Variants in RBM6 observed in about 807,000 individuals in gnomAD.
RBM6 encodes RNA binding motif protein 6.
RBM6 carries 23 observed loss-of-function variants against 140.4 expected under a neutral mutation model. That is an observed-to-expected ratio of 0.16 (90% CI 0.12 to 0.23). The LOEUF (loss-of-function observed/expected upper bound fraction) is 0.23, where lower values mean the gene tolerates loss of function less well. Among genes scored for constraint, RBM6 ranks in the 10% least tolerant of loss-of-function variants. The pLI is 1.00. For missense variants in RBM6, 1,139 were observed against 1,386.7 expected, an observed-to-expected ratio of 0.82 and a Z score of 2.84; for synonymous variants, 439 against 475.6, an observed-to-expected ratio of 0.92 and a Z score of 1.00.
Position 50,077,209 on chromosome 3 carries a change from T to A in RBM6, c.*76T>A. ...TCTCCTTTTCTTTTGTTACTGTTCT[T>A]GCTGCTAGAACTTTTTTAAATAAAC... On this transcript the variant is annotated 3_prime_UTR_variant, in exon 21 of 21. Coordinates refer to ENST00000266022, the MANE Select transcript of RBM6 (RefSeq NM_005777.3). 1 of 1,463,240 alleles carries A rather than the reference T, an allele frequency of 6.8e-7. No homozygotes were observed. Among genetic ancestry groups the A allele is most frequent in the Non-Finnish European group, 9.2e-7 (1 of 1,090,876 alleles). 90.6% of individuals were successfully genotyped at this position (1,463,240 alleles called of 1,614,324 possible).
intron 6 of RBM6, among the ~76,000 whole-genome samples, chr3:50,027,715 A>G (rs2087920662): frequency 6.6e-6 from 1 of 152,254 alleles, no homozygotes; most frequent in African/African-American, 2.4e-5. Flanking sequence ...ATATGGATAT[A>G]CCACATTGTC....
intron 6 of RBM6, among the ~76,000 whole-genome samples, chr3:50,024,376 A>AT (rs1422000021): frequency 2.3e-4 from 35 of 152,290 alleles, no homozygotes; most frequent in African/African-American, 8.2e-4. Context: ...AATGAAAAAA[A>AT]CAGAACACTG....
At chr3:50,022,610 G>A (rs146893723) in intron 6 of RBM6, among the ~76,000 whole-genome samples, 1 of 152,182 alleles carries the variant, frequency 6.6e-6, no homozygotes, top group East Asian at 1.9e-4. Context: ...GATTACAGGC[G>A]TGAGCCACCG....
At chr3:50,017,805 C>A (rs2087249509) in intron 6 of RBM6, among the ~76,000 whole-genome samples, 1 of 152,122 alleles carries the variant, frequency 6.6e-6, no homozygotes, top group South Asian at 2.1e-4. Context: ...TCTGTTTTTG[C>A]TTTTGTTGCC....
intron 6 of RBM6, among the ~76,000 whole-genome samples, chr3:50,010,900 CAAA>C (rs776065398): frequency 1.7e-4 from 9 of 52,236 alleles, no homozygotes; most frequent in Non-Finnish European, 2.8e-4. Flanking sequence ...AAGACTGTCT[CAAA>C]AAAAAAAAAA....
chr3:50,040,785 T>C (rs1278111242), intron 6 of RBM6, among the ~76,000 whole-genome samples: 1 of 150,432 alleles, frequency 6.6e-6, no homozygotes, highest in Non-Finnish European at 1.5e-5. Context: ...GCCCCTGGAG[T>C]AGTTAGGATA....
chr3:49,956,417 C>T (rs1176364877), intron 1 of RBM6, among the ~76,000 whole-genome samples: 1 of 144,236 alleles, frequency 6.9e-6, no homozygotes, highest in African/African-American at 2.6e-5. Context: ...CTCACTGCAA[C>T]CTCCGCCTCC....
At chr3:49,950,691 G>A (rs2083692696) in intron 1 of RBM6, among the ~76,000 whole-genome samples, 1 of 151,814 alleles carries the variant, frequency 6.6e-6, no homozygotes, top group Admixed American at 6.6e-5. Flanking sequence ...GGAGACGGAG[G>A]TTGCAGTAAG....
At chr3:50,065,700 CATT>C (rs1334019650) in intron 16 of RBM6, 1 of 452,480 alleles carries the variant, frequency 2.2e-6, no homozygotes, top group African/African-American at 2.0e-5. Context: ...GATTATGCAT[CATT>C]ATTTAACAGT....
In RBM6 at chr3:50,062,282, A is replaced by T. The variant is rs375879917; in HGVS notation, c.2586+174A>T. Among the ~76,000 whole-genome samples the T allele has an allele frequency of 2.0e-5, 3 of 152,298 alleles. No individual in the cohort carries two copies. The South Asian group carries it at 6.2e-4, about 32-fold the overall frequency. ...CACTTTGGGAGGCCAAGGCGGGCGGATCATGAGGTCAGGAGATCGAGACCA... is the reference window on the plus strand; with the variant it reads ...CACTTTGGGAGGCCAAGGCGGGCGGTTCATGAGGTCAGGAGATCGAGACCA... On this transcript the variant is annotated intron_variant, in intron 15 of 20. Coordinates refer to ENST00000266022, the MANE Select transcript of RBM6 (RefSeq NM_005777.3).
intron 5 of RBM6, among the ~76,000 whole-genome samples, chr3:49,983,889 T>C (rs1243259029): frequency 2.0e-5 from 3 of 152,174 alleles, no homozygotes; most frequent in Admixed American, 2.0e-4. Context: ...GGGAAGAATC[T>C]GTGATTCAGT....
At chr3:49,962,706 A>G (rs2084336895) in intron 2 of RBM6, 21 bp downstream of exon 2, 4 of 1,556,842 alleles carry the variant, frequency 2.6e-6, no homozygotes, top group African/African-American at 1.4e-5. Flanking sequence ...AAATTTGAAT[A>G]TTGAAATTGC....
rs773779680 is a variant in RBM6, at chr3:50,057,894, A to C, written c.1860A>C (p.Arg620Ser). Reference protein sequence around the residue: ...GQESRLGHQKREAERYLPPSR... With the variant: ...GQESRLGHQKSEAERYLPPSR... Reference sequence around the variant, plus strand: ...AGTCACGCTTAGGACATCAAAAGAGAGAAGCAGAAAGGTATCTGCCTCCTT... The same window carrying C: ...AGTCACGCTTAGGACATCAAAAGAGCGAAGCAGAAAGGTATCTGCCTCCTT... Residue 620 changes from arginine (R) to serine (S), a missense_variant, in exon 9 of 21, where the codon AGA becomes AGC. Transcript: ENST00000266022. 2.5e-6 allele frequency: 4 copies of C among 1,614,162 alleles called. No individual in the cohort carries two copies. The highest frequency in any genetic ancestry group is 3.4e-6 in the Non-Finnish European group (4 of 1,180,032).
At chr3:50,061,873 C>G in intron 14 of RBM6, 89 bp from the exon 15 acceptor site, 1 of 1,494,644 alleles carries the variant, frequency 6.7e-7, no homozygotes, top group Non-Finnish European at 9.0e-7. Context: ...GTTGTTTCTT[C>G]CCCTAAAAGG....
At chr3:49,975,063 A>G (rs1247183577) in intron 4 of RBM6, among the ~76,000 whole-genome samples, 1 of 150,308 alleles carries the variant, frequency 6.7e-6, no homozygotes, top group Non-Finnish European at 1.5e-5. Flanking sequence ...TGTCTCAAAC[A>G]TGTGGCTTTA....
At position 50,075,305 on chromosome 3, in the gene RBM6, A is replaced by G. The variant is rs375363861; in HGVS notation, c.3221A>G (p.His1074Arg). ...WRKGTGLGYG[H>R]PGLASSEEAE... ...AAAGGGACAGGCCTGGGATATGGCC[A>G]TCCTGGATTGGCTTCATCAGAGGAG... Residue 1074 changes from histidine (H) to arginine (R), a missense_variant, in exon 20 of 21, where the codon CAT (histidine) becomes CGT (arginine). His to Arg is a conservative substitution (Grantham distance 29, BLOSUM62 0). Coordinates refer to ENST00000266022, the MANE Select transcript of RBM6 (RefSeq NM_005777.3). 92 of 1,613,956 alleles carry G rather than the reference A, an allele frequency of 5.7e-5. No homozygotes were observed. In the East Asian group the frequency reaches 9.4e-4, roughly 16 times the overall value.
chr3:50,032,431 C>A (rs1039756250), intron 6 of RBM6, among the ~76,000 whole-genome samples: 1 of 143,464 alleles, frequency 7.0e-6, no homozygotes. Flanking sequence ...TTGCAGTGAG[C>A]GAAGGTCGTG....
intron 6 of RBM6, among the ~76,000 whole-genome samples, chr3:50,042,260 C>T (rs1205816913): frequency 1.3e-5 from 2 of 152,146 alleles, no homozygotes; most frequent in East Asian, 3.8e-4. Context: ...ATACTTTTTC[C>T]CTGCCTTTTG....
intron 6 of RBM6, among the ~76,000 whole-genome samples, chr3:50,004,252 C>CCCTTT (rs1166030859): frequency 2.8e-4 from 43 of 151,568 alleles, no homozygotes; most frequent in South Asian, 6.3e-4. Context: ...TTCTCCTTTC[C>CCCTTT]CCTTTCCTTT....
Sources: allele counts gnomAD v4.1 joint callset (sites outside exome capture counted in the v4.1 genomes callset), GRCh38; gene constraint gnomAD v4.1.1; transcripts MANE v1.5; gene names NCBI Gene and HGNC (gene_info 2026-07-23, HGNC 2026-07-21).